Variants in URI1 observed in about 807,000 individuals in gnomAD.
The protein encoded by URI1 is URI1 prefoldin like chaperone.
Under a neutral mutation model 60.2 loss-of-function variants are expected in URI1, and 39 were observed. That is an observed-to-expected ratio of 0.65 (90% CI 0.50 to 0.85). The LOEUF (loss-of-function observed/expected upper bound fraction) is 0.85. Among genes scored for constraint, URI1 ranks in the 40% least tolerant of loss-of-function variants. The pLI is 0.00. For missense variants in URI1, 691 were observed against 665.9 expected, an observed-to-expected ratio of 1.04 and a Z score of -0.42; for synonymous variants, 251 against 236.8, an observed-to-expected ratio of 1.06 and a Z score of -0.55.
At chr19:29,949,820 G>T (rs986737924) in intron 1 of URI1, among the ~76,000 whole-genome samples, 8 of 152,138 alleles carry the variant, frequency 5.3e-5, no homozygotes, top group Non-Finnish European at 1.0e-4. Context: ...TGAGGCAGGA[G>T]AATCAGGCAG....
intron 4 of URI1, among the ~76,000 whole-genome samples, chr19:30,002,799 ATGTT>A (rs890358299): frequency 6.6e-5 from 10 of 151,992 alleles, no homozygotes; most frequent in East Asian, 1.9e-4. Flanking sequence ...GGTAACTAAA[ATGTT>A]TGAGATTAAA....
intron 2 of URI1, among the ~76,000 whole-genome samples, chr19:29,982,015 A>AATAG (rs1324499426): frequency 6.6e-6 from 1 of 152,194 alleles, no homozygotes; most frequent in Non-Finnish European, 1.5e-5. Flanking sequence ...AGCCTGAAAT[A>AATAG]ATAGAGATAC....
At chr19:29,983,615 AAC>A (rs987183956) in intron 2 of URI1, among the ~76,000 whole-genome samples, 2 of 151,968 alleles carry the variant, frequency 1.3e-5, no homozygotes, top group Non-Finnish European at 2.9e-5. Context: ...AAAAACTGAC[AAC>A]ATCCTTCTGC....
chr19:30,007,409 TG>T, intron 6 of URI1, 60 bp from the exon 7 acceptor site: 1 of 1,564,028 alleles, frequency 6.4e-7, no homozygotes, highest in Non-Finnish European at 8.7e-7. Context: ...TCATTAAGTC[TG>T]GGTTTGTGCC....
At chr19:29,977,012 G>T (rs936697512) in intron 2 of URI1, among the ~76,000 whole-genome samples, 1 of 152,040 alleles carries the variant, frequency 6.6e-6, no homozygotes, top group Non-Finnish European at 1.5e-5. Context: ...AAAAATAATT[G>T]TTCAGAGGAA....
At chr19:30,006,325 CTA>C (rs1323798388) in intron 6 of URI1, among the ~76,000 whole-genome samples, 2 of 152,050 alleles carry the variant, frequency 1.3e-5, no homozygotes, top group African/African-American at 4.8e-5. Context: ...TTATTATTTG[CTA>C]CTGTAGAAGA....
intron 1 of URI1, among the ~76,000 whole-genome samples, chr19:29,958,626 A>G (rs985648200): frequency 2.0e-5 from 3 of 152,130 alleles, no homozygotes; most frequent in African/African-American, 4.8e-5. Context: ...ATGAGGCAAA[A>G]TTCTGTAATT....
chr19:29,958,384 T>C (rs1377052893), intron 1 of URI1, among the ~76,000 whole-genome samples: 1 of 152,190 alleles, frequency 6.6e-6, no homozygotes, highest in Non-Finnish European at 1.5e-5. Flanking sequence ...GTTATGAAAA[T>C]AAGGACATTT....
rs1288634261 is a variant in URI1 at position 30,009,225 on chromosome 19, GA to G, written c.908del (p.Asp303ValfsTer23). 3 of 1,613,122 alleles carry G rather than the reference GA, an allele frequency of 1.9e-6. No homozygotes were observed. The highest frequency in any genetic ancestry group is 3.3e-5 in the Admixed American group (2 of 59,934). On this transcript the variant is annotated frameshift_variant, in exon 8 of 11. Transcript: ENST00000392271. LOFTEE classifies it high-confidence loss of function. ...SSSYHSDDDD[D>X]DDDDDDDDNI... ...TTCTTACCACAGTGATGATGATGAT[GA>G]TGATGATGATGACGACGACGACGAC...
chr19:29,944,187 A>ATG (rs2055074036), intron 1 of URI1, among the ~76,000 whole-genome samples: 5 of 111,814 alleles, frequency 4.5e-5, no homozygotes, highest in Non-Finnish European at 9.1e-5. Flanking sequence ...ATATATATAT[A>ATG]TATATAAAAC....
chr19:29,947,834 T>A (rs1327611230), intron 1 of URI1, among the ~76,000 whole-genome samples: 1 of 152,240 alleles, frequency 6.6e-6, no homozygotes. Context: ...GTGTTTTTTG[T>A]CTTATTTTTA....
intron 1 of URI1, among the ~76,000 whole-genome samples, chr19:29,961,327 G>T (rs1175487191): frequency 7.0e-6 from 1 of 142,222 alleles, no homozygotes; most frequent in South Asian, 2.2e-4. Context: ...TCCCCTTCCT[G>T]ATCTGGCTGC....
At chr19:30,012,673 C>A in intron 10 of URI1, 142 bp downstream of exon 10, 1 of 981,738 alleles carries the variant, frequency 1.0e-6, no homozygotes, top group African/African-American at 1.6e-5. Flanking sequence ...TTAATAGTCA[C>A]AAACAGTACA....
intron 1 of URI1, among the ~76,000 whole-genome samples, chr19:29,943,623 T>C (rs986855192): frequency 2.0e-5 from 3 of 152,164 alleles, no homozygotes; most frequent in African/African-American, 7.2e-5. Context: ...ACTGTTTACA[T>C]AGATACAAAA....
intron 2 of URI1, among the ~76,000 whole-genome samples, chr19:29,977,908 A>C (rs778629645): frequency 1.4e-4 from 21 of 152,174 alleles, no homozygotes; most frequent in Non-Finnish European, 2.6e-4. Flanking sequence ...ATGCATGCTT[A>C]GTTATGGAAA....
At position 29,942,581 on chromosome 19, in the gene URI1, C is replaced by A. The variant is rs551935451; in HGVS notation, c.34C>A (p.Pro12Thr). 1 of 1,424,768 alleles carries A rather than the reference C, an allele frequency of 7.0e-7. No homozygotes were observed. Among genetic ancestry groups the A allele is most frequent in the Admixed American group, 3.0e-5 (1 of 33,644 alleles). 88.3% of individuals were successfully genotyped at this position (1,424,768 alleles called of 1,614,324 possible). ...GCCCACCGTGGAGACGCCCCCCGACCCCTCGCCCCCTTCGGCCCCGGCCCC... is the reference window on the plus strand; with the variant it reads ...GCCCACCGTGGAGACGCCCCCCGACACCTCGCCCCCTTCGGCCCCGGCCCC... ...EAPTVETPPD[P>T]SPPSAPAPAL... The change falls in exon 1 of 11, where the codon CCC becomes ACC. Residue 12 changes from proline to threonine, a missense_variant. Coordinates refer to ENST00000392271, the MANE Select transcript of URI1 (RefSeq NM_003796.3).
chr19:29,965,228 G>A (rs1302385715), intron 1 of URI1, among the ~76,000 whole-genome samples: 1 of 152,184 alleles, frequency 6.6e-6, no homozygotes, highest in Non-Finnish European at 1.5e-5. Flanking sequence ...GGTCCAGTTA[G>A]CAGCAGGTAT....
intron 1 of URI1, among the ~76,000 whole-genome samples, chr19:29,951,373 T>C (rs2055177469): frequency 6.6e-6 from 1 of 152,204 alleles, no homozygotes; most frequent in African/African-American, 2.4e-5. Context: ...ACAATGTATT[T>C]ATTAGTTTAT....
rs1257755459 is a variant in URI1, at chr19:29,942,602, G to T, written c.55G>T (p.Ala19Ser). 1.9e-5 allele frequency: 28 copies of T among 1,463,496 alleles called. No homozygotes were observed. Among genetic ancestry groups the T allele is most frequent in the Non-Finnish European group, 2.5e-5 (28 of 1,112,912 alleles). The allele number at this position is 1,463,496 out of a possible 1,614,324, so 90.7% of individuals were successfully genotyped here. ...CGACCCCTCGCCCCCTTCGGCCCCG[G>T]CCCCTGCCCTGGTTCCGTTGCGCGC... Reference protein sequence around the residue: ...PPDPSPPSAPAPALVPLRAPD... With the variant: ...PPDPSPPSAPSPALVPLRAPD... The change falls in exon 1 of 11, where the codon GCC (alanine) becomes TCC (serine). Residue 19 changes from alanine to serine, a missense_variant. Physicochemically the swap from Ala to Ser is moderately conservative, Grantham distance 99. Transcript: ENST00000392271.
Sources: allele counts gnomAD v4.1 joint callset (sites outside exome capture counted in the v4.1 genomes callset), GRCh38; gene constraint gnomAD v4.1.1; transcripts MANE v1.5; gene names NCBI Gene and HGNC (gene_info 2026-07-23, HGNC 2026-07-21).